Variants in POLR3E observed in about 807,000 individuals in gnomAD.
The protein encoded by POLR3E is DNA-directed RNA polymerase III subunit RPC5.
A neutral mutation model predicts 96.6 loss-of-function variants in POLR3E; 41 were observed. The ratio of observed to expected loss-of-function variants is 0.42; its 90% CI spans 0.33 to 0.55. POLR3E has a LOEUF of 0.55. Among genes scored for constraint, POLR3E ranks in the 20% least tolerant of loss-of-function variants. POLR3E has a pLI of 0.06. For synonymous variants in POLR3E, 396 were observed against 383.6 expected, an observed-to-expected ratio of 1.03 and a Z score of -0.38; for missense variants, 849 against 952.1, an observed-to-expected ratio of 0.89 and a Z score of 1.43.
intron 11 of POLR3E, 34 bp from the exon 12 acceptor site, chr16:22,317,081 G>A: frequency 6.2e-7 from 1 of 1,613,734 alleles, no homozygotes; most frequent in Non-Finnish European, 8.5e-7. Flanking sequence ...TTCCGGGCTG[G>A]CTGCCTCTAA....
At position 22,313,078 on chromosome 16, in the gene POLR3E, T is replaced by C. The variant is rs186224172; in HGVS notation, c.365-542T>C. Among the ~76,000 whole-genome samples, 4 of 151,568 alleles carry C rather than the reference T, an allele frequency of 2.6e-5. No homozygotes were observed. The highest frequency in any genetic ancestry group is 6.6e-5 in the Admixed American group (1 of 15,258). On this transcript the variant is annotated intron_variant, in intron 6 of 20. Coordinates refer to ENST00000299853, the MANE Select transcript of POLR3E (RefSeq NM_018119.4). This position sits in a 1 kb window ranked among gnomAD's most constrained non-coding sequence, Gnocchi z 4.1. ...TCCCTTGCAGCGGGAGGGAAAGTCA[T>C]GATCTTTATCAGAGGCCATGTGGAC...
chr16:22,316,903 G>A, intron 10 of POLR3E, 92 bp from the exon 11 acceptor site: 1 of 1,408,304 alleles, frequency 7.1e-7, no homozygotes, highest in Non-Finnish European at 1.0e-6. Context: ...TGGGCTGTCT[G>A]CACCCTCTCC....
intron 20 of POLR3E, among the ~76,000 whole-genome samples, chr16:22,332,397 A>G (rs1486808089): frequency 1.3e-5 from 2 of 152,174 alleles, no homozygotes; most frequent in South Asian, 2.1e-4. Context: ...CCTTCAAACA[A>G]TATAGTCACA....
At chr16:22,298,520 A>G (rs1335432094) in intron 1 of POLR3E, among the ~76,000 whole-genome samples, 5 of 152,174 alleles carry the variant, frequency 3.3e-5, no homozygotes, top group African/African-American at 1.2e-4. Context: ...CCAAACCCAG[A>G]CAACTCAGGT....
At position 22,302,917 on chromosome 16, in the gene POLR3E, G is replaced by A. The variant is rs544745742; in HGVS notation, c.-38-14G>A. 27 of 1,556,362 alleles carry A rather than the reference G, an allele frequency of 1.7e-5. No homozygotes were observed. The Admixed American group carries it at 3.8e-4, about 22-fold the overall frequency. ...GAACGACTGATGGTCCCAGTCTCTC[G>A]CCCTCCTTTGCAGATCGAGCTGAAG... On this transcript the variant is annotated splice_polypyrimidine_tract_variant and intron_variant, in intron 1 of 20. Transcript: ENST00000299853.
Position 22,318,952 on chromosome 16 carries a change from T to C in POLR3E, c.986+6T>C. On this transcript the variant is annotated splice_donor_region_variant and intron_variant, in intron 13 of 20. Transcript: ENST00000299853. This position sits in a 1 kb window ranked among gnomAD's most constrained non-coding sequence, Gnocchi z 5.0. Reference sequence around the variant, plus strand: ...GGGAACTGGGTGGTGAAGAGGTAAGTTGCTTTTTTTATTTTTTATTTTTAT... The same window carrying C: ...GGGAACTGGGTGGTGAAGAGGTAAGCTGCTTTTTTTATTTTTTATTTTTAT... The C allele has an allele frequency of 1.9e-6, 3 of 1,576,556 alleles. No homozygotes were observed. Among genetic ancestry groups the C allele is most frequent in the Non-Finnish European group, 2.6e-6 (3 of 1,165,566 alleles).
rs147047610 is a variant in POLR3E at position 22,308,177 on chromosome 16, C to T, written c.117C>T (p.Tyr39=). ...QYPVRPASMT[Y]DDIPHLSAKI... ...CTGTGCGTCCAGCCTCGATGACCTA[C>T]GATGACATTCCGCACCTCTCAGCCA... Residue 39 remains tyrosine (Y), a synonymous_variant, in exon 4 of 21, where the codon TAC becomes TAT. Transcript: ENST00000299853. 38 of 1,613,562 alleles carry T rather than the reference C, an allele frequency of 2.4e-5. No individual in the cohort carries two copies. In the Admixed American group the frequency reaches 3.2e-4, roughly 13 times the overall value.
intron 6 of POLR3E, among the ~76,000 whole-genome samples, chr16:22,310,783 C>T (rs1018179936): frequency 4.6e-5 from 7 of 151,950 alleles, no homozygotes; most frequent in Admixed American, 1.3e-4. Context: ...ATTAGCTGGG[C>T]ATGGTGGCAC....
At chr16:22,308,902 G>A in intron 4 of POLR3E, 23 bp from the exon 5 acceptor site, 1 of 1,537,156 alleles carries the variant, frequency 6.5e-7, no homozygotes, top group South Asian at 1.1e-5. Context: ...CTCATAGCTG[G>A]TGGGGGTGCT....
chr16:22,320,334 T>G (rs1050813384), intron 13 of POLR3E, among the ~76,000 whole-genome samples: 1 of 152,132 alleles, frequency 6.6e-6, no homozygotes, highest in African/African-American at 2.4e-5. Context: ...CAGTCTCAGC[T>G]CACTGCAACC....
chr16:22,318,323 G>A lies in POLR3E; in HGVS notation c.866-503G>A, dbSNP rs1262771110. ...TGGCCAGGCTAGTCTCAAATTCCTG[G>A]CCTCAAGTGATCTGCCTCCCTCGGC... On this transcript the variant is annotated intron_variant, in intron 12 of 20. Coordinates refer to ENST00000299853, the MANE Select transcript of POLR3E (RefSeq NM_018119.4). The surrounding 1 kb of genome is among the most constrained non-coding windows in gnomAD (Gnocchi z 5.0). Among the ~76,000 whole-genome samples the A allele has an allele frequency of 6.6e-6, 1 of 152,066 alleles. No homozygotes were observed. Among genetic ancestry groups the A allele is most frequent in the Non-Finnish European group, 1.5e-5 (1 of 68,006 alleles).
At chr16:22,317,061 C>T (rs1442550976) in intron 11 of POLR3E, 22 bp downstream of exon 11, 6 of 1,613,748 alleles carry the variant, frequency 3.7e-6, no homozygotes, top group Non-Finnish European at 4.2e-6. Flanking sequence ...CGGCAGGACA[C>T]CCTCTCCCTT....
At chr16:22,303,290 C>A (rs1045274038) in intron 2 of POLR3E, among the ~76,000 whole-genome samples, 1 of 152,146 alleles carries the variant, frequency 6.6e-6, no homozygotes, top group African/African-American at 2.4e-5. Context: ...TCTGCCCTTA[C>A]CTTGGCGGTA....
At chr16:22,302,675 C>T (rs147804189) in intron 1 of POLR3E, 16 of 450,862 alleles carry the variant, frequency 3.5e-5, no homozygotes, top group African/African-American at 6.0e-5. Flanking sequence ...TGCCTTTCCC[C>T]GCAGGTGCAG....
At chr16:22,310,749 C>T (rs2048229936) in intron 6 of POLR3E, among the ~76,000 whole-genome samples, 1 of 151,612 alleles carries the variant, frequency 6.6e-6, no homozygotes, top group Admixed American at 6.6e-5. Context: ...ATAGTGAAAT[C>T]CCTTCCCTAC....
intron 6 of POLR3E, among the ~76,000 whole-genome samples, chr16:22,312,452 G>A (rs373944347): frequency 1.3e-5 from 2 of 151,706 alleles, no homozygotes; most frequent in Non-Finnish European, 2.9e-5. Flanking sequence ...AGCCGAGATC[G>A]CACCACTGAA....
chr16:22,303,086 G>T (rs915325519), intron 2 of POLR3E, 82 bp downstream of exon 2: 96 of 1,257,646 alleles, frequency 7.6e-5, no homozygotes, highest in Non-Finnish European at 9.1e-5. Context: ...AGGCCAGTCT[G>T]GGACCTGTTG....
intron 1 of POLR3E, among the ~76,000 whole-genome samples, chr16:22,298,019 T>C (rs2047932232): frequency 6.6e-6 from 1 of 152,256 alleles, no homozygotes; most frequent in African/African-American, 2.4e-5. Context: ...ACTTCGCAGC[T>C]GAACCGGATT....
chr16:22,317,314 GC>G, intron 12 of POLR3E, 108 bp downstream of exon 12: 1 of 772,876 alleles, frequency 1.3e-6, no homozygotes, highest in African/African-American at 1.7e-5. Context: ...GGCCCCTGCT[GC>G]CCACAGCCTG....
Sources: gnomAD v4.1 joint callset for allele counts (sites outside exome capture counted in the v4.1 genomes callset) on GRCh38, gnomAD v4.1.1 for gene constraint, Gnocchi (gnomAD v3.1) non-coding constraint, MANE v1.5 for transcripts, NCBI Gene and HGNC (gene_info 2026-07-23, HGNC 2026-07-21) for gene names.